The following DACH2 variants were observed in gnomAD, a reference collection of about 807,000 sequenced individuals.
The protein encoded by DACH2 is dachshund homolog 2.
In DACH2, 17 loss-of-function variants were observed where a neutral mutation model predicts 35.8. The observed-to-expected ratio is 0.48, with a 90% confidence interval of 0.33 to 0.71. DACH2 has a LOEUF of 0.71. Among genes scored for constraint, DACH2 ranks in the 30% least tolerant of loss-of-function variants. The probability of loss-of-function intolerance (pLI) is 0.02; values close to 1 mark genes in which losing one functional copy is unlikely to be tolerated. For synonymous variants in DACH2, 195 were observed against 177.3 expected, an observed-to-expected ratio of 1.10 and a Z score of -0.79; for missense variants, 469 against 472.7, an observed-to-expected ratio of 0.99 and a Z score of 0.07.
rs556648729 is a variant in DACH2, at chrX:86,155,768, A to G, written c.488+6660A>G. On this transcript the variant is annotated intron_variant, in intron 1 of 11. Transcript: ENST00000373125. Reference sequence around the variant, plus strand: ...GATCCTCTTTGAAAGCCTACACAGTATTCCTTAATCATAATTTTATTCCTA... The same window carrying G: ...GATCCTCTTTGAAAGCCTACACAGTGTTCCTTAATCATAATTTTATTCCTA... Among the ~76,000 whole-genome samples, 5 of 111,140 alleles carry G rather than the reference A, an allele frequency of 4.5e-5. No individual in the cohort carries two copies. In the South Asian group the frequency reaches 1.5e-3, roughly 33 times the overall value.
Position 86,610,470 on chromosome X carries a change from T to A in DACH2, c.641-40566T>A, listed in dbSNP as rs2039930097. On this transcript the variant is annotated intron_variant, in intron 3 of 11. Transcript: ENST00000373125. ...TCTTTTTCTTTCGACAGGGTCTCAC[T>A]CTGTCACCCAGGCTGGAGTGCAGTG... 2.9e-5 allele frequency among the ~76,000 whole-genome samples: 3 copies of A among 104,171 alleles called. No individual in the cohort carries two copies. The South Asian group carries it at 1.4e-3, about 49-fold the overall frequency. The allele number at this position is 104,171 out of a possible 115,157, so 90.5% of individuals were successfully genotyped here.
rs866401964 is a variant in DACH2 at position 86,651,853 on chromosome X, G to A, written c.772+686G>A. Among the ~76,000 whole-genome samples, 12 of 111,674 alleles carry A rather than the reference G, an allele frequency of 1.1e-4. No homozygotes were observed. In the East Asian group the frequency reaches 1.7e-3, roughly 16 times the overall value. ...AACATACATGAATGGATGGATGGACGGATGGAAAGATGGATGGATAGATAA... is the reference window on the plus strand; with the variant it reads ...AACATACATGAATGGATGGATGGACAGATGGAAAGATGGATGGATAGATAA... On this transcript the variant is annotated intron_variant, in intron 4 of 11. Transcript: ENST00000373125.
chrX:86,615,955 T>G (rs2039997084), intron 3 of DACH2, among the ~76,000 whole-genome samples: 2 of 110,733 alleles, frequency 1.8e-5, no homozygotes, highest in Admixed American at 1.9e-4. Flanking sequence ...GGCCACAGTG[T>G]CTGTTGTCTC....
intron 2 of DACH2, among the ~76,000 whole-genome samples, chrX:86,442,154 C>G (rs1258417847): frequency 9.1e-6 from 1 of 110,178 alleles, no homozygotes; most frequent in Admixed American, 9.8e-5. Flanking sequence ...AGGCATGGGT[C>G]ACTGCACCCA....
chrX:86,169,351 T>G (rs907917910), intron 1 of DACH2, among the ~76,000 whole-genome samples: 2 of 111,496 alleles, frequency 1.8e-5, no homozygotes, highest in East Asian at 5.7e-4. Context: ...GTTTGATTAT[T>G]AAATGCATTG....
At chrX:86,547,888 C>A (rs952117611) in intron 3 of DACH2, among the ~76,000 whole-genome samples, 2 of 112,185 alleles carry the variant, frequency 1.8e-5, no homozygotes, top group South Asian at 7.4e-4. Context: ...GTTCTTGTTA[C>A]TCCCTGCACA....
chrX:86,777,371 T>A (rs774855940), intron 7 of DACH2, among the ~76,000 whole-genome samples: 1 of 111,419 alleles, frequency 9.0e-6, no homozygotes, highest in African/African-American at 3.3e-5. Flanking sequence ...ATCTGTTGGC[T>A]GCATACCTTC....
intron 3 of DACH2, among the ~76,000 whole-genome samples, chrX:86,593,395 A>ATTTTT (rs1161534230): frequency 3.6e-5 from 3 of 83,128 alleles, no homozygotes; most frequent in Non-Finnish European, 6.4e-5. Flanking sequence ...TCATATATAT[A>ATTTTT]TTTTTTTATT....
intron 2 of DACH2, among the ~76,000 whole-genome samples, chrX:86,454,917 C>T (rs1266343883): frequency 9.0e-6 from 1 of 111,592 alleles, no homozygotes; most frequent in African/African-American, 3.3e-5. Flanking sequence ...GGCTTATCTA[C>T]CTTCAATCTT....
At position 86,292,719 on chromosome X, in the gene DACH2, C is replaced by G. The variant is rs373683867; in HGVS notation, c.489-84105C>G. 1.9e-4 allele frequency among the ~76,000 whole-genome samples: 21 copies of G among 111,512 alleles called. No individual in the cohort carries two copies. In the East Asian group the frequency reaches 2.8e-3, roughly 15 times the overall value. ...ATTCAGGAGCAGGTTGTTCTGTTTC[C>G]ATGTAGTTGAGCGGTTTTGAGTGAG... On this transcript the variant is annotated intron_variant, in intron 1 of 11. Coordinates refer to ENST00000373125, the MANE Select transcript of DACH2 (RefSeq NM_053281.3).
intron 2 of DACH2, among the ~76,000 whole-genome samples, chrX:86,393,937 A>ATTT (rs1335012759): frequency 1.0e-5 from 1 of 96,207 alleles, no homozygotes; most frequent in Non-Finnish European, 2.1e-5. Context: ...AATGGTAGCT[A>ATTT]TTTTATTATT....
rs757171514 is a variant in DACH2 at position 86,367,008 on chromosome X, A to T, written c.489-9816A>T. ...CCAAAGCAAAATGGACTAATGCACC[A>T]TATTTTTTTTAAAGATGCAGCATTT... On this transcript the variant is annotated intron_variant, in intron 1 of 11. Coordinates refer to ENST00000373125, the MANE Select transcript of DACH2 (RefSeq NM_053281.3). 6.4e-5 allele frequency among the ~76,000 whole-genome samples: 7 copies of T among 109,970 alleles called. No homozygotes were observed. In the South Asian group the frequency reaches 1.5e-3, roughly 24 times the overall value.
At chrX:86,820,070 T>G (rs1375082195) in intron 11 of DACH2, among the ~76,000 whole-genome samples, 1 of 111,578 alleles carries the variant, frequency 9.0e-6, no homozygotes, top group Non-Finnish European at 1.9e-5. Flanking sequence ...ACTGCCATCA[T>G]GAACTGACTT....
intron 2 of DACH2, among the ~76,000 whole-genome samples, chrX:86,489,653 T>C (rs972645107): frequency 1.8e-5 from 2 of 111,640 alleles, no homozygotes; most frequent in African/African-American, 3.2e-5. Flanking sequence ...ACTTGTCAAT[T>C]AAATAAAAAG....
intron 1 of DACH2, among the ~76,000 whole-genome samples, chrX:86,181,409 C>T (rs983403168): frequency 3.6e-5 from 4 of 110,890 alleles, no homozygotes; most frequent in Non-Finnish European, 7.5e-5. Flanking sequence ...TTGTTCAACT[C>T]CCATTTATGA....
At chrX:86,577,870 A>C (rs1206849577) in intron 3 of DACH2, among the ~76,000 whole-genome samples, 1 of 111,994 alleles carries the variant, frequency 8.9e-6, no homozygotes, top group African/African-American at 3.3e-5. Flanking sequence ...GGGTCCTGGA[A>C]GATAACATGT....
chrX:86,782,894 G>GA (rs35016905), intron 7 of DACH2, among the ~76,000 whole-genome samples: 31 of 105,632 alleles, frequency 2.9e-4, no homozygotes, highest in African/African-American at 7.9e-4. Context: ...GCAATCAAAG[G>GA]AAAAAAAAAA....
At chrX:86,577,124 A>G (rs1303634550) in intron 3 of DACH2, among the ~76,000 whole-genome samples, 1 of 112,251 alleles carries the variant, frequency 8.9e-6, no homozygotes. Flanking sequence ...AGGTACTACA[A>G]TGGGTAAAGC....
intron 1 of DACH2, among the ~76,000 whole-genome samples, chrX:86,273,159 C>T (rs1207937239): frequency 8.9e-6 from 1 of 111,825 alleles, no homozygotes; most frequent in Non-Finnish European, 1.9e-5. Context: ...CCCCAGTTTT[C>T]TATATGTACA....
Sources: allele counts gnomAD v4.1 joint callset (sites outside exome capture counted in the v4.1 genomes callset), GRCh38; gene constraint gnomAD v4.1.1; transcripts MANE v1.5; gene names NCBI Gene and HGNC (gene_info 2026-07-23, HGNC 2026-07-21).